Variants in MAP6 observed in about 807,000 individuals in gnomAD.
The protein encoded by MAP6 is microtubule-associated protein 6.
In MAP6, 26 loss-of-function variants were observed where a neutral mutation model predicts 42.4. The ratio of observed to expected loss-of-function variants is 0.61; its 90% confidence interval spans 0.45 to 0.85. The LOEUF is 0.85. Among genes scored for constraint, MAP6 ranks in the 40% least tolerant of loss-of-function variants. The probability of loss-of-function intolerance (pLI) is 0.00; values close to 1 mark genes in which losing one functional copy is unlikely to be tolerated. For missense variants in MAP6, 966 were observed against 1,099.0 expected (o/e 0.88, Z 1.71); for synonymous variants, 418 against 443.8 (o/e 0.94, Z 0.73).
chr11:75,604,907 C>T (rs569002122), intron 3 of MAP6: 92 of 985,468 alleles, frequency 9.3e-5, no homozygotes, highest in South Asian at 4.7e-4. Context: ...ACTACATCTA[C>T]GCCCCCTTGG....
At chr11:75,631,474 T>A (rs1418002977) in intron 1 of MAP6, among the ~76,000 whole-genome samples, 3 of 151,934 alleles carry the variant, frequency 2.0e-5, no homozygotes, top group Non-Finnish European at 4.4e-5. Context: ...CCTCTCCCAC[T>A]CCCCTCCTCC....
At chr11:75,651,110 C>T (rs1405978958) in intron 1 of MAP6, among the ~76,000 whole-genome samples, 1 of 152,098 alleles carries the variant, frequency 6.6e-6, no homozygotes, top group South Asian at 2.1e-4. Context: ...GGGATATGAC[C>T]CCAATCTGGG....
Position 75,667,719 on chromosome 11 carries a change from CG to C in MAP6, c.650del (p.Ala217GlyfsTer81). ...CCAGGCCACCCGCTCCGCCGGGGGCCGCCTCCTGCTCCCGGGCCTCAGCGGC... is the reference window on the plus strand; with the variant it reads ...CCAGGCCACCCGCTCCGCCGGGGGCCCCTCCTGCTCCCGGGCCTCAGCGGC... Reference protein sequence around the residue: ...QAAAEAREQEAAPGGAGGLAA... With the variant: ...QAAAEAREQEXAPGGAGGLAA... On this transcript the variant is annotated frameshift_variant, in exon 1 of 4. Coordinates refer to ENST00000304771, the MANE Select transcript of MAP6 (RefSeq NM_033063.2). LOFTEE classifies it high-confidence loss of function. The surrounding 1 kb of genome is among the most constrained non-coding windows in gnomAD (Gnocchi z 5.6). 7.8e-7 allele frequency: 1 copy of C among 1,289,324 alleles called. No individual in the cohort carries two copies. 79.9% of individuals were successfully genotyped at this position (1,289,324 alleles called of 1,614,324 possible).
chr11:75,601,490 T>C (rs1167044464), intron 3 of MAP6, among the ~76,000 whole-genome samples: 2 of 152,146 alleles, frequency 1.3e-5, no homozygotes, highest in African/African-American at 2.4e-5. Flanking sequence ...ATACGGCTTT[T>C]CATTTATACC....
chr11:75,588,589 C>T (rs1034029635), intron 3 of MAP6, among the ~76,000 whole-genome samples: 1 of 152,110 alleles, frequency 6.6e-6, no homozygotes, highest in Non-Finnish European at 1.5e-5. Flanking sequence ...ATCTCAGCTG[C>T]CCACCAGATG....
chr11:75,601,061 G>A (rs971644573), intron 3 of MAP6, among the ~76,000 whole-genome samples: 1 of 152,222 alleles, frequency 6.6e-6, no homozygotes, highest in African/African-American at 2.4e-5. Context: ...GGGGAGCATG[G>A]TGGGAACCAC....
In MAP6 at chr11:75,668,174, C is replaced by T; in HGVS notation, c.196G>A (p.Ala66Thr). 1 of 1,230,872 alleles carries T rather than the reference C, an allele frequency of 8.1e-7. No individual in the cohort carries two copies. Among genetic ancestry groups the T allele is most frequent in the Non-Finnish European group, 1.0e-6 (1 of 993,366 alleles). The allele number at this position is 1,230,872 out of a possible 1,614,324, so 76.2% of individuals were successfully genotyped here. The change falls in exon 1 of 4, where the codon GCC becomes ACC. Residue 66 changes from alanine to threonine, a missense_variant. Transcript: ENST00000304771. The part of the protein sequence containing the change: ...ALAPPSARAV[A>T]IETQPAQGEL... Reference sequence around the variant, plus strand: ...CCCTGGGCTGGCTGCGTCTCTATGGCAACCGCGCGCGCCGAGGGGGGCGCG... The same window carrying T: ...CCCTGGGCTGGCTGCGTCTCTATGGTAACCGCGCGCGCCGAGGGGGGCGCG...
intron 1 of MAP6, among the ~76,000 whole-genome samples, chr11:75,651,714 T>G (rs1943649438): frequency 6.6e-6 from 1 of 152,248 alleles, no homozygotes. Flanking sequence ...AGCTTCCCAT[T>G]GCTATTCAGT....
intron 1 of MAP6, among the ~76,000 whole-genome samples, chr11:75,646,293 T>C (rs1943551660): frequency 6.6e-6 from 1 of 151,930 alleles, no homozygotes; most frequent in African/African-American, 2.4e-5. Context: ...AGTGATACTA[T>C]CTCTAAAGCA....
Position 75,587,678 on chromosome 11 carries a change from G to A in MAP6, c.1823C>T (p.Pro608Leu). The change falls in exon 4 of 4, where the codon CCC becomes CTC. Residue 608 changes from proline (P) to leucine (L), a missense_variant. This residue lies in a region of MAP6 where 943 missense variants were observed against 1,049.9 expected (regional missense o/e 0.90). Transcript: ENST00000304771. ...MVSAPVKDQG[P>L]IVPAPVKGEG... ...ACCCTTGACAGGTGCTGGGACTATGGGACCTTGATCCTTGACAGGTGCTGA... is the reference window on the plus strand; with the variant it reads ...ACCCTTGACAGGTGCTGGGACTATGAGACCTTGATCCTTGACAGGTGCTGA... The A allele has an allele frequency of 6.2e-7, 1 of 1,613,582 alleles. No individual in the cohort carries two copies. The highest frequency in any genetic ancestry group is 8.5e-7 in the Non-Finnish European group (1 of 1,179,832).
At chr11:75,616,342 C>T (rs1036386262) in intron 1 of MAP6, among the ~76,000 whole-genome samples, 1 of 152,172 alleles carries the variant, frequency 6.6e-6, no homozygotes, top group Non-Finnish European at 1.5e-5. Flanking sequence ...TCCTCGACTG[C>T]TTTACAAAGG....
At chr11:75,663,106 C>T (rs559869318) in intron 1 of MAP6, among the ~76,000 whole-genome samples, 32 of 151,978 alleles carry the variant, frequency 2.1e-4, no homozygotes, top group African/African-American at 3.4e-4. Flanking sequence ...GGATTACAGG[C>T]GCACCCCACC....
intron 3 of MAP6, 124 bp from the exon 4 acceptor site, chr11:75,588,308 C>A: frequency 2.7e-6 from 2 of 741,748 alleles, no homozygotes; most frequent in South Asian, 2.1e-5. Flanking sequence ...GCTGGAGAGC[C>A]AGGAGAATAT....
intron 1 of MAP6, among the ~76,000 whole-genome samples, chr11:75,652,564 A>G (rs1943665911): frequency 6.6e-6 from 1 of 152,164 alleles, no homozygotes; most frequent in Non-Finnish European, 1.5e-5. Context: ...TGGGCCATGC[A>G]TGGTGGCTCA....
At chr11:75,603,171 T>C (rs1407798767) in intron 3 of MAP6, 4 of 985,326 alleles carry the variant, frequency 4.1e-6, no homozygotes, top group Admixed American at 6.1e-5. Flanking sequence ...GGGAAGCCAA[T>C]GCGCAGCTCT....
Position 75,620,992 on chromosome 11 carries a change from G to A in MAP6, c.906-12670C>T, listed in dbSNP as rs182209784. Among the ~76,000 whole-genome samples, 402 of 152,144 alleles carry A rather than the reference G, an allele frequency of 2.6e-3. 1 individual carries two copies. The highest frequency in any genetic ancestry group is 8.9e-3 in the African/African-American group (368 of 41,532). ...AAAAAATACAAAAAATTAGCCGGGC[G>A]TGGTGGTGGGTGCCTGTAGTCCCAG... is the stretch of plus-strand genomic sequence containing the variant. On this transcript the variant is annotated intron_variant, in intron 1 of 3. Transcript: ENST00000304771.
chr11:75,621,821 G>A (rs1249577170), intron 1 of MAP6, among the ~76,000 whole-genome samples: 2 of 152,124 alleles, frequency 1.3e-5, no homozygotes, highest in Non-Finnish European at 2.9e-5. Context: ...TCAGGAGTTC[G>A]AGACCAGCCT....
At chr11:75,638,067 A>T (rs543046697) in intron 1 of MAP6, among the ~76,000 whole-genome samples, 1 of 152,230 alleles carries the variant, frequency 6.6e-6, no homozygotes, top group Admixed American at 6.5e-5. Context: ...ATAGTATGTA[A>T]TCATTTAAAT....
intron 3 of MAP6, chr11:75,603,988 T>C (rs1455736632): frequency 1.8e-5 from 18 of 985,742 alleles, no homozygotes; most frequent in Non-Finnish European, 2.2e-5. Context: ...AATGTTAAGA[T>C]TAGCTGGCAA....
Sources: allele counts gnomAD v4.1 joint callset (sites outside exome capture counted in the v4.1 genomes callset), GRCh38; gene constraint gnomAD v4.1.1; regional missense constraint gnomAD v4.1.1; non-coding constraint Gnocchi (gnomAD v3.1); transcripts MANE v1.5; gene names NCBI Gene and HGNC (gene_info 2026-07-23, HGNC 2026-07-21).